ATG4C: variants seen among roughly 807,000 people sequenced by gnomAD.
The protein encoded by ATG4C is cysteine protease ATG4C.
In ATG4C, 56 loss-of-function variants were observed where a neutral mutation model predicts 57.6. The observed-to-expected ratio is 0.97, with a 90% CI of 0.78 to 1.21. The LOEUF is 1.21. ATG4C is among the 50% of genes most tolerant of loss of function. The pLI is 0.00. For missense variants in ATG4C, 595 were observed against 529.8 expected, an observed-to-expected ratio of 1.12 and a Z score of -1.21; for synonymous variants, 157 against 174.1, an observed-to-expected ratio of 0.90 and a Z score of 0.78.
intron 1 of ATG4C, among the ~76,000 whole-genome samples, chr1:62,790,387 A>G (rs1449125648): frequency 6.6e-6 from 1 of 152,174 alleles, no homozygotes; most frequent in Non-Finnish European, 1.5e-5. Flanking sequence ...CTATCCTACA[A>G]CACACATAAA....
At chr1:62,795,258 A>G (rs999195352) in intron 1 of ATG4C, among the ~76,000 whole-genome samples, 1 of 152,154 alleles carries the variant, frequency 6.6e-6, no homozygotes, top group African/African-American at 2.4e-5. Context: ...GATTACCTTC[A>G]CCTGCCCTTC....
At chr1:62,850,128 G>A (rs1044287113) in intron 10 of ATG4C, among the ~76,000 whole-genome samples, 2 of 152,056 alleles carry the variant, frequency 1.3e-5, no homozygotes, top group Non-Finnish European at 2.9e-5. Context: ...AAATAATTTG[G>A]TTACTAAATA....
intron 3 of ATG4C, among the ~76,000 whole-genome samples, chr1:62,815,080 A>G (rs1572121343): frequency 6.8e-6 from 1 of 146,784 alleles, no homozygotes; most frequent in African/African-American, 2.4e-5. Context: ...CTAAAAATAA[A>G]TAAATAAATA....
At chr1:62,859,454 A>T (rs1343929610) in intron 10 of ATG4C, among the ~76,000 whole-genome samples, 1 of 152,194 alleles carries the variant, frequency 6.6e-6, no homozygotes, top group Non-Finnish European at 1.5e-5. Context: ...CATAGAAAAG[A>T]TATTATAAAA....
intron 7 of ATG4C, among the ~76,000 whole-genome samples, chr1:62,829,443 A>G: frequency 6.6e-6 from 1 of 152,130 alleles, no homozygotes; most frequent in Non-Finnish European, 1.5e-5. Flanking sequence ...CATAACCTGT[A>G]ATATAGTTAC....
intron 10 of ATG4C, among the ~76,000 whole-genome samples, chr1:62,860,382 G>T (rs376434855): frequency 6.6e-6 from 1 of 152,184 alleles, no homozygotes; most frequent in Non-Finnish European, 1.5e-5. Context: ...CAAATATTAT[G>T]TACTGTACAT....
chr1:62,851,169 C>G (rs6699457), intron 10 of ATG4C, among the ~76,000 whole-genome samples: 96,907 of 151,684 alleles, frequency 0.64, 31,294 homozygotes, highest in African/African-American at 0.74. Flanking sequence ...TTTTTACCTA[C>G]TTCTTCTATT....
intron 3 of ATG4C, among the ~76,000 whole-genome samples, chr1:62,807,099 T>C (rs2100300311): frequency 6.6e-6 from 1 of 152,348 alleles, no homozygotes; most frequent in East Asian, 1.9e-4. Flanking sequence ...GGCTAGGACA[T>C]TGATCATGCC....
rs555040759 is a variant in ATG4C at position 62,839,939 on chromosome 1, G to A, written c.1090-1489G>A. Among the ~76,000 whole-genome samples the A allele has an allele frequency of 7.4e-4, 112 of 152,150 alleles. 2 individuals carry two copies. The highest frequency in any genetic ancestry group is 2.4e-3 in the African/African-American group (100 of 41,506). On this transcript the variant is annotated intron_variant, in intron 9 of 10. Transcript: ENST00000317868. ...AAAGCAGCTTGAATGTATATATTTT[G>A]CATATCTTTTGGTGATGATACGGGA...
intron 10 of ATG4C, among the ~76,000 whole-genome samples, chr1:62,859,257 A>G (rs1434489938): frequency 1.3e-5 from 2 of 152,162 alleles, no homozygotes; most frequent in African/African-American, 2.4e-5. Context: ...ATATAATGCA[A>G]ATATTTCAAA....
At chr1:62,794,095 A>C (rs1055906644) in intron 1 of ATG4C, among the ~76,000 whole-genome samples, 3 of 152,254 alleles carry the variant, frequency 2.0e-5, no homozygotes, top group African/African-American at 7.2e-5. Flanking sequence ...GCTATCTTAA[A>C]ACAGCCTAGG....
intron 10 of ATG4C, among the ~76,000 whole-genome samples, chr1:62,858,240 A>G (rs1345909986): frequency 6.6e-6 from 1 of 152,172 alleles, no homozygotes; most frequent in East Asian, 1.9e-4. Context: ...GTTGCCATTG[A>G]TAGTAGGAGG....
intron 6 of ATG4C, among the ~76,000 whole-genome samples, chr1:62,825,370 G>A (rs79820560): frequency 9.9e-5 from 15 of 151,882 alleles, no homozygotes; most frequent in African/African-American, 3.1e-4. Flanking sequence ...ATTTGACACC[G>A]TTGACTCTTT....
chr1:62,803,874 G>A lies in ATG4C; in HGVS notation c.76+12G>A, dbSNP rs761910294. ...CAACATGAAATATAGTAAGTATCATGTTTTAAAAATTGTATAAATCCAAAG... is the reference window on the plus strand; with the variant it reads ...CAACATGAAATATAGTAAGTATCATATTTTAAAAATTGTATAAATCCAAAG... On this transcript the variant is annotated intron_variant, in intron 2 of 10. Coordinates refer to ENST00000317868, the MANE Select transcript of ATG4C (RefSeq NM_032852.4). 1.0e-4 allele frequency: 150 copies of A among 1,494,002 alleles called. No homozygotes were observed. Among genetic ancestry groups the A allele is most frequent in the Non-Finnish European group, 1.4e-4 (149 of 1,090,048 alleles). The allele number at this position is 1,494,002 out of a possible 1,614,324, so 92.5% of individuals were successfully genotyped here. A position where few individuals can be genotyped will look rare whatever the true frequency, so the allele number is the denominator to read the frequency against.
chr1:62,836,935 A>G (rs1268298950), intron 9 of ATG4C, among the ~76,000 whole-genome samples: 1 of 152,082 alleles, frequency 6.6e-6, no homozygotes, highest in African/African-American at 2.4e-5. Context: ...AGAGATTTAA[A>G]CAGATTGCAT....
chr1:62,830,042 T>A (rs899640702), intron 7 of ATG4C, among the ~76,000 whole-genome samples: 1 of 152,112 alleles, frequency 6.6e-6, no homozygotes, highest in Non-Finnish European at 1.5e-5. Context: ...AGTTGGAACA[T>A]CTATTCTCAG....
intron 1 of ATG4C, among the ~76,000 whole-genome samples, chr1:62,796,953 C>A (rs1315661449): frequency 6.6e-6 from 1 of 151,924 alleles, no homozygotes; most frequent in African/African-American, 2.4e-5. Flanking sequence ...ACTAAAAATA[C>A]AAAAATTAGC....
At chr1:62,792,975 G>A (rs1300482864) in intron 1 of ATG4C, among the ~76,000 whole-genome samples, 5 of 151,008 alleles carry the variant, frequency 3.3e-5, no homozygotes, top group East Asian at 2.0e-4. Flanking sequence ...CAAGCTGCAC[G>A]TCCCGGGTTC....
At chr1:62,821,708 A>G (rs949609303) in intron 6 of ATG4C, among the ~76,000 whole-genome samples, 11 of 151,976 alleles carry the variant, frequency 7.2e-5, no homozygotes, top group Admixed American at 6.6e-5. Context: ...TTTTATCCAA[A>G]ATGTTTGAGA....
Sources: allele counts gnomAD v4.1 joint callset (sites outside exome capture counted in the v4.1 genomes callset), GRCh38; gene constraint gnomAD v4.1.1; transcripts MANE v1.5; gene names NCBI Gene and HGNC (gene_info 2026-07-23, HGNC 2026-07-21).